Variants in C8orf88 observed in about 807,000 individuals in gnomAD.
C8orf88 encodes the protein chromosome 8 open reading frame 88, also known as uncharacterized protein C8orf88.
C8orf88 carries 14 observed loss-of-function variants against 18.4 expected under a neutral mutation model. The observed-to-expected ratio is 0.76, with a 90% CI of 0.50 to 1.19. C8orf88 has a LOEUF of 1.19. Among genes scored for constraint, C8orf88 ranks in the 50% most tolerant of loss-of-function variants. The probability of loss-of-function intolerance (pLI) is 0.00; values close to 1 mark genes in which losing one functional copy is unlikely to be tolerated. For synonymous variants in C8orf88, 45 were observed against 42.9 expected (o/e 1.05, Z -0.19); for missense variants, 116 against 134.7 (o/e 0.86, Z 0.69).
intron 4 of C8orf88, among the ~76,000 whole-genome samples, chr8:90,969,125 G>A (rs574416249): frequency 6.6e-6 from 1 of 151,846 alleles, no homozygotes; most frequent in East Asian, 1.9e-4. Flanking sequence ...GTATATGCCT[G>A]AGAGAAATGA....
chr8:90,967,634 T>A (rs981571686), intron 4 of C8orf88, among the ~76,000 whole-genome samples: 2 of 151,770 alleles, frequency 1.3e-5, no homozygotes, highest in Non-Finnish European at 2.9e-5. Context: ...TCTTCTTGAG[T>A]TAGTTTTGGT....
chr8:90,962,201 G>A (rs1035114301), intron 4 of C8orf88, among the ~76,000 whole-genome samples: 23 of 151,512 alleles, frequency 1.5e-4, no homozygotes, highest in East Asian at 1.9e-4. Context: ...AACATTCTAC[G>A]TAGCCAAACC....
intron 4 of C8orf88, among the ~76,000 whole-genome samples, chr8:90,967,178 T>A (rs1360097739): frequency 1.3e-5 from 2 of 151,892 alleles, no homozygotes; most frequent in Non-Finnish European, 2.9e-5. Context: ...ATTGAGTTGA[T>A]CATGTGTTTT....
intron 4 of C8orf88, among the ~76,000 whole-genome samples, chr8:90,961,237 T>C (rs994627876): frequency 2.0e-5 from 3 of 151,362 alleles, no homozygotes; most frequent in African/African-American, 7.3e-5. Flanking sequence ...ACTAAAAACT[T>C]AACACAATAA....
intron 4 of C8orf88, among the ~76,000 whole-genome samples, chr8:90,966,863 T>C (rs1051124439): frequency 6.6e-6 from 1 of 151,924 alleles, no homozygotes; most frequent in African/African-American, 2.4e-5. Context: ...ATCTTGCTGA[T>C]GCTGCCCAGC....
chr8:90,969,287 A>G (rs1012062918), intron 4 of C8orf88, among the ~76,000 whole-genome samples: 2 of 151,872 alleles, frequency 1.3e-5, no homozygotes, highest in Admixed American at 6.6e-5. Flanking sequence ...ATTTAGTCAT[A>G]AAAAGGAATA....
At chr8:90,975,625 A>G (rs1811337225) in intron 3 of C8orf88, among the ~76,000 whole-genome samples, 1 of 152,150 alleles carries the variant, frequency 6.6e-6, no homozygotes, top group Non-Finnish European at 1.5e-5. Context: ...ATGGCTAAAA[A>G]TAAAAAGATT....
chr8:90,961,343 C>T (rs1329782629), intron 4 of C8orf88, among the ~76,000 whole-genome samples: 1 of 151,112 alleles, frequency 6.6e-6, no homozygotes, highest in East Asian at 1.9e-4. Context: ...CCCCTATCTT[C>T]AAGGAGAACA....
intron 5 of C8orf88, among the ~76,000 whole-genome samples, chr8:90,960,184 A>T (rs1312916743): frequency 6.6e-6 from 1 of 151,552 alleles, no homozygotes; most frequent in Non-Finnish European, 1.5e-5. Flanking sequence ...GTATTTATTT[A>T]GATGGAATTT....
intron 3 of C8orf88, among the ~76,000 whole-genome samples, 161 bp from the exon 4 acceptor site, chr8:90,971,302 A>T (rs76937725): frequency 0.061 from 9,302 of 152,014 alleles, 357 homozygotes; most frequent in Middle Eastern, 0.12. Flanking sequence ...AGCGACAAAA[A>T]CATCTTTCAA....
chr8:90,979,117 A>T (rs1440884278), intron 2 of C8orf88, among the ~76,000 whole-genome samples: 1 of 152,140 alleles, frequency 6.6e-6, no homozygotes, highest in East Asian at 1.9e-4. Flanking sequence ...TTAATTTCTG[A>T]TTTACTAGAC....
intron 4 of C8orf88, among the ~76,000 whole-genome samples, chr8:90,963,807 C>T (rs139051940): frequency 6.6e-6 from 1 of 151,496 alleles, no homozygotes; most frequent in Non-Finnish European, 1.5e-5. Flanking sequence ...TGAACAGAGC[C>T]TAAGACACTT....
At chr8:90,979,428 C>G (rs1811399672) in intron 2 of C8orf88, among the ~76,000 whole-genome samples, 1 of 152,210 alleles carries the variant, frequency 6.6e-6, no homozygotes, top group African/African-American at 2.4e-5. Context: ...ACAGAATCAG[C>G]ATTATTCAGC....
intron 4 of C8orf88, among the ~76,000 whole-genome samples, chr8:90,963,908 C>T (rs1228503148): frequency 6.6e-6 from 1 of 151,322 alleles, no homozygotes; most frequent in African/African-American, 2.4e-5. Flanking sequence ...TTGAAGAAAT[C>T]GTGGAATAAA....
upstream of C8orf88, chr8:90,985,358 C>T (rs1261731813): frequency 3.3e-5 from 5 of 151,566 alleles, no homozygotes; most frequent in Admixed American, 1.3e-4. Context: ...CGCTGAGCCT[C>T]GAGAGCAGCC....
At chr8:90,972,443 C>A (rs989727741) in intron 3 of C8orf88, among the ~76,000 whole-genome samples, 2 of 151,714 alleles carry the variant, frequency 1.3e-5, no homozygotes, top group African/African-American at 4.8e-5. Flanking sequence ...TTCTTGCCTC[C>A]GGAAATTTTA....
At chr8:90,971,657 T>C (rs1046917492) in intron 3 of C8orf88, among the ~76,000 whole-genome samples, 3 of 151,988 alleles carry the variant, frequency 2.0e-5, no homozygotes, top group Non-Finnish European at 4.4e-5. Context: ...ATCAGAAACA[T>C]TGGTAGAGCT....
chr8:90,961,902 G>A (rs182903786), intron 4 of C8orf88, among the ~76,000 whole-genome samples: 26 of 151,196 alleles, frequency 1.7e-4, no homozygotes, highest in Admixed American at 8.6e-4. Context: ...TTGACAGAGT[G>A]GATTTAAAAA....
intron 3 of C8orf88, among the ~76,000 whole-genome samples, chr8:90,972,736 C>T (rs747305950): frequency 5.3e-5 from 8 of 151,902 alleles, no homozygotes; most frequent in Non-Finnish European, 1.0e-4. Context: ...GGTGACCAAG[C>T]CAAAAGTACA....
Sources: allele counts gnomAD v4.1 joint callset (sites outside exome capture counted in the v4.1 genomes callset), GRCh38; gene constraint gnomAD v4.1.1; transcripts MANE v1.5; gene names NCBI Gene and HGNC (gene_info 2026-07-23, HGNC 2026-07-21).